Variants in DTL observed in about 807,000 individuals in gnomAD.
The protein encoded by DTL is denticleless protein homolog.
Under a neutral mutation model 87.0 loss-of-function variants are expected in DTL, and 46 were observed. That is an observed-to-expected ratio of 0.53 (90% CI 0.42 to 0.68). DTL has a LOEUF of 0.68. Ranked by LOEUF, DTL falls within the 30% of genes least tolerant of loss-of-function variation. The pLI, the probability that DTL is intolerant of heterozygous loss-of-function variation, is 0.00. For missense variants in DTL, 737 were observed against 869.4 expected (o/e 0.85, Z 1.91); for synonymous variants, 308 against 311.2 (o/e 0.99, Z 0.11).
chr1:212,044,046 G>C (rs1320522670), intron 2 of DTL, among the ~76,000 whole-genome samples: 2 of 152,040 alleles, frequency 1.3e-5, no homozygotes, highest in African/African-American at 4.8e-5. Context: ...CTGAGATCAC[G>C]CCACTGCATT....
intron 5 of DTL, among the ~76,000 whole-genome samples, chr1:212,049,592 A>G (rs980183171): frequency 6.6e-6 from 1 of 152,182 alleles, no homozygotes; most frequent in African/African-American, 2.4e-5. Flanking sequence ...TCAGTAGTTC[A>G]TAGGTACTCT....
intron 5 of DTL, among the ~76,000 whole-genome samples, chr1:212,056,131 C>A (rs1481230144): frequency 6.6e-6 from 1 of 152,178 alleles, no homozygotes; most frequent in African/African-American, 2.4e-5. Context: ...CAAGAATTTG[C>A]CCACCCACCT....
chr1:212,076,502 G>C (rs781119934), intron 11 of DTL, among the ~76,000 whole-genome samples: 1 of 152,030 alleles, frequency 6.6e-6, no homozygotes, highest in Non-Finnish European at 1.5e-5. Flanking sequence ...TACACATTTA[G>C]GTTCTCCTAG....
intron 7 of DTL, 23 bp downstream of exon 7, chr1:212,065,052 A>T: frequency 6.7e-7 from 1 of 1,502,692 alleles, no homozygotes. Context: ...AGATGTATAC[A>T]TGTGTGCAGA....
At chr1:212,068,185 A>C (rs1484514072) in intron 8 of DTL, 39 bp from the exon 9 acceptor site, 2 of 1,400,792 alleles carry the variant, frequency 1.4e-6, no homozygotes, top group South Asian at 2.5e-5. Context: ...TTGGGGTTGG[A>C]AGAAGGTCTA....
At chr1:212,068,397 C>A in intron 9 of DTL, 70 bp downstream of exon 9, 2 of 1,011,170 alleles carry the variant, frequency 2.0e-6, no homozygotes, top group African/African-American at 1.7e-5. Context: ...AGGCTAATTT[C>A]CAGTAACATT....
intron 3 of DTL, among the ~76,000 whole-genome samples, chr1:212,045,589 A>G (rs1571940853): frequency 6.6e-6 from 1 of 152,242 alleles, no homozygotes; most frequent in South Asian, 2.1e-4. Context: ...GTAGAAAGAA[A>G]ACACACTGGT....
At chr1:212,063,290 A>ATTTT (rs1278136631) in intron 6 of DTL, among the ~76,000 whole-genome samples, 1 of 148,748 alleles carries the variant, frequency 6.7e-6, no homozygotes, top group African/African-American at 2.5e-5. Flanking sequence ...TTATTTTATT[A>ATTTT]TTATTATTTT....
intron 13 of DTL, among the ~76,000 whole-genome samples, chr1:212,087,903 G>T (rs550674517): frequency 2.0e-5 from 3 of 152,194 alleles, no homozygotes; most frequent in African/African-American, 7.2e-5. Context: ...TAATTGGAAG[G>T]GTTTAAGTGC....
At chr1:212,042,372 A>G (rs1667678600) in intron 1 of DTL, among the ~76,000 whole-genome samples, 1 of 152,166 alleles carries the variant, frequency 6.6e-6, no homozygotes, top group Non-Finnish European at 1.5e-5. Context: ...TCCCTGACCC[A>G]CTACCACTAG....
chr1:212,047,196 C>T lies in DTL; in HGVS notation c.323C>T (p.Pro108Leu). ...WNAVFDLAWV[P>L]GELKLVTAAG... is the part of the protein sequence containing the mutation. ...GCCGTCTTTGACCTGGCCTGGGTTC[C>T]TGGTGAACTTAAACTTGTAAGTGAC... The change falls in exon 4 of 15, where the codon CCT (proline) becomes CTT (leucine). Residue 108 changes from proline to leucine, a missense_variant. By Grantham distance (98) the Pro-to-Leu change is moderately conservative (BLOSUM62 -3). Transcript: ENST00000366991. 1 of 1,614,172 alleles carries T rather than the reference C, an allele frequency of 6.2e-7. No homozygotes were observed.
At chr1:212,097,887 G>A (rs965673643) in intron 13 of DTL, among the ~76,000 whole-genome samples, 1 of 129,978 alleles carries the variant, frequency 7.7e-6, no homozygotes, top group African/African-American at 3.0e-5. Flanking sequence ...AATGTGTGCT[G>A]TTTAAATTCT....
chr1:212,044,026 T>C (rs1270201314), intron 2 of DTL, among the ~76,000 whole-genome samples: 2 of 152,064 alleles, frequency 1.3e-5, no homozygotes, highest in African/African-American at 4.8e-5. Flanking sequence ...GAGGCGGAAG[T>C]TGCAGTGAGC....
At chr1:212,070,888 C>G (rs1320173328) in intron 10 of DTL, among the ~76,000 whole-genome samples, 1 of 152,142 alleles carries the variant, frequency 6.6e-6, no homozygotes, top group African/African-American at 2.4e-5. Context: ...TCATACCAGC[C>G]TTTCTTAGAC....
chr1:212,066,564 A>G (rs560633836), intron 7 of DTL, among the ~76,000 whole-genome samples: 1 of 152,362 alleles, frequency 6.6e-6, no homozygotes, highest in Admixed American at 6.5e-5. Flanking sequence ...GTAGGCTCAG[A>G]CGAGCAAAAT....
chr1:212,087,181 T>A (rs561449729), intron 13 of DTL, among the ~76,000 whole-genome samples: 1 of 151,974 alleles, frequency 6.6e-6, no homozygotes, highest in African/African-American at 2.4e-5. Flanking sequence ...AGAACCAGAG[T>A]CTATAATTGA....
chr1:212,045,652 A>G (rs138067341), intron 3 of DTL, among the ~76,000 whole-genome samples: 4 of 152,226 alleles, frequency 2.6e-5, no homozygotes, highest in African/African-American at 9.6e-5. Context: ...CTTACGAAGC[A>G]TGGGGCATTT....
Position 212,080,716 on chromosome 1 carries a change from C to G in DTL, c.1227C>G (p.Ala409=). The G allele has an allele frequency of 6.2e-7, 1 of 1,613,464 alleles. No individual in the cohort carries two copies. Among genetic ancestry groups the G allele is most frequent in the Non-Finnish European group, 8.5e-7 (1 of 1,179,590 alleles). ...GGDKLSTVGW[A]SQKKKESRPG... Reference sequence around the variant, plus strand: ...ATAAACTTTCCACGGTGGGTTGGGCCTCTCAGAAGAAAAAAGAGTCAAGAC... The same window carrying G: ...ATAAACTTTCCACGGTGGGTTGGGCGTCTCAGAAGAAAAAAGAGTCAAGAC... Residue 409 remains alanine (A), a synonymous_variant, in exon 13 of 15, where the codon GCC becomes GCG. Transcript: ENST00000366991.
intron 3 of DTL, among the ~76,000 whole-genome samples, chr1:212,045,300 G>A (rs970741033): frequency 2.0e-5 from 3 of 152,196 alleles, no homozygotes; most frequent in Admixed American, 6.5e-5. Context: ...CAGATTAGAT[G>A]TGAATGGTGG....
Sources: allele counts gnomAD v4.1 joint callset (sites outside exome capture counted in the v4.1 genomes callset), GRCh38; gene constraint gnomAD v4.1.1; transcripts MANE v1.5; gene names NCBI Gene and HGNC (gene_info 2026-07-23, HGNC 2026-07-21).